The following E2F8 variants were observed in gnomAD, a reference collection of about 807,000 sequenced individuals.
The protein encoded by E2F8 is transcription factor E2F8.
Under a neutral mutation model 80.8 loss-of-function variants are expected in E2F8, and 35 were observed. The observed-to-expected ratio is 0.43, with a 90% CI of 0.33 to 0.57. The LOEUF is 0.57. E2F8 is among the 20% of genes least tolerant of loss of function. The pLI, the probability that E2F8 is intolerant of heterozygous loss-of-function variation, is 0.04. For synonymous variants in E2F8, 386 were observed against 395.0 expected, an observed-to-expected ratio of 0.98 and a Z score of 0.27; for missense variants, 975 against 1,056.2, an observed-to-expected ratio of 0.92 and a Z score of 1.07.
Position 19,229,982 on chromosome 11 carries a change from G to C in E2F8, c.1365C>G (p.Ser455=). ...CCAGCTGTACTTTCACTTTCTGTCT[G>C]GATTCACTGAAAGACAAGATTTAAT... is the stretch of plus-strand genomic sequence containing the variant. ...KMQLEEQSSE[S]RQKVKVQLAR... Residue 455 remains serine, a synonymous_variant, in exon 10 of 13, where the codon TCC becomes TCG. Transcript: ENST00000250024. The surrounding 1 kb of genome is among the most constrained non-coding windows in gnomAD (Gnocchi z 4.3). 6.2e-7 allele frequency: 1 copy of C among 1,613,268 alleles called. No individual in the cohort carries two copies. Among genetic ancestry groups the C allele is most frequent in the East Asian group, 2.2e-5 (1 of 44,878 alleles).
intron 4 of E2F8, 41 bp downstream of exon 4, chr11:19,237,273 T>A (rs773731038): frequency 6.2e-7 from 1 of 1,606,750 alleles, no homozygotes; most frequent in East Asian, 2.2e-5. Context: ...ATAAAGCCAC[T>A]TTAATTATTA....
chr11:19,230,373 C>A, intron 8 of E2F8, 45 bp from the exon 9 acceptor site: 2 of 1,573,082 alleles, frequency 1.3e-6, no homozygotes, highest in Non-Finnish European at 1.7e-6. Flanking sequence ...AGCTAAAGAA[C>A]AAATGTTCAC....
rs757747922 is a variant in E2F8, at chr11:19,234,900, C to T, written c.610G>A (p.Glu204Lys). 2.2e-5 allele frequency: 36 copies of T among 1,614,032 alleles called. No individual in the cohort carries two copies. Among genetic ancestry groups the T allele is most frequent in the Admixed American group, 6.7e-5 (4 of 60,004 alleles). Reference protein sequence around the residue: ...KSIGEENKYAEQIMMIKKKEY... With the variant: ...KSIGEENKYAKQIMMIKKKEY... ...TTCTTTTTGATCATCATAATCTGCT[C>T]GGCGTACTTATTCTCCTCCCCGATG... The change falls in exon 5 of 13, where the codon GAG (glutamate) becomes AAG (lysine). Residue 204 changes from glutamate (E) to lysine (K), a missense_variant. Physicochemically the swap from Glu to Lys is moderately conservative, Grantham distance 56 (BLOSUM62 1). Transcript: ENST00000250024.
chr11:19,224,969 A>T, intron 12 of E2F8, 129 bp from the exon 13 acceptor site: 1 of 1,253,992 alleles, frequency 8.0e-7, no homozygotes, highest in Non-Finnish European at 1.1e-6. Context: ...GAAATTGGCG[A>T]GGGAAGCTTT....
intron 4 of E2F8, among the ~76,000 whole-genome samples, chr11:19,236,775 GC>G (rs1264974642): frequency 1.3e-5 from 2 of 152,130 alleles, no homozygotes; most frequent in African/African-American, 2.4e-5. Context: ...TTCACCACGG[GC>G]CCCTTTTTAG....
At chr11:19,233,641 C>A (rs1851436002) in intron 6 of E2F8, among the ~76,000 whole-genome samples, 1 of 151,954 alleles carries the variant, frequency 6.6e-6, no homozygotes, top group South Asian at 2.1e-4. Context: ...GTGCACGCCA[C>A]CACGCCCGGC....
At chr11:19,231,834 T>C (rs993444761) in intron 7 of E2F8, among the ~76,000 whole-genome samples, 3 of 152,198 alleles carry the variant, frequency 2.0e-5, no homozygotes, top group African/African-American at 7.2e-5. Flanking sequence ...ACTTTCTATA[T>C]TGCCATTCAT....
At chr11:19,241,201 G>A (rs943420444), upstream of E2F8, among the ~76,000 whole-genome samples, 1 of 152,192 alleles carries the variant, frequency 6.6e-6, no homozygotes, top group Non-Finnish European at 1.5e-5. The surrounding 1 kb of genome is among the most constrained non-coding windows in gnomAD (Gnocchi z 4.5). Flanking sequence ...GCCTGAGCGC[G>A]GGCAAACCCG....
chr11:19,234,966 C>A lies in E2F8; in HGVS notation c.544G>T (p.Gly182Trp). 1 of 1,614,166 alleles carries A rather than the reference C, an allele frequency of 6.2e-7. No individual in the cohort carries two copies. The highest frequency in any genetic ancestry group is 8.5e-7 in the Non-Finnish European group (1 of 1,180,030). Residue 182 changes from glycine to tryptophan, a missense_variant, in exon 5 of 13, where the codon GGG becomes TGG. Gly to Trp is a radical substitution (Grantham distance 184). Transcript: ENST00000250024. ...RLAKNRYTWH[G>W]RHNLNKTLGT... ...AGGGTTTTGTTGAGATTGTGTCGCC[C>A]GTGCCAAGTGTACCTGTTTTTGGCG...
chr11:19,233,162 AGATCTCCC>A (rs1382234612), intron 6 of E2F8, among the ~76,000 whole-genome samples: 3 of 152,180 alleles, frequency 2.0e-5, no homozygotes, highest in Admixed American at 6.5e-5. Flanking sequence ...CTGAAATTGC[AGATCTCCC>A]GATCTCCCGA....
chr11:19,234,990 C>T lies in E2F8; in HGVS notation c.520G>A (p.Ala174Thr). Residue 174 changes from alanine to threonine, a missense_variant, in exon 5 of 13, where the codon GCC becomes ACC. Ala to Thr is a moderately conservative substitution (Grantham distance 58). Transcript: ENST00000250024. ...LESLHMVSRLAKNRYTWHGRH... is the reference protein window; with the variant it reads ...LESLHMVSRLTKNRYTWHGRH... ...CCGTGCCAAGTGTACCTGTTTTTGG[C>T]GAGGCGGCTCACCATATGTAAACTC... 7 of 1,614,156 alleles carry T rather than the reference C, an allele frequency of 4.3e-6. No homozygotes were observed. The highest frequency in any genetic ancestry group is 1.3e-5 in the African/African-American group (1 of 75,024).
In E2F8 at chr11:19,237,397, T is replaced by C; in HGVS notation, c.368A>G (p.His123Arg). 2 of 1,614,212 alleles carry C rather than the reference T, an allele frequency of 1.2e-6. No individual in the cohort carries two copies. Among genetic ancestry groups the C allele is most frequent in the Non-Finnish European group, 1.7e-6 (2 of 1,180,006 alleles). Reference sequence around the variant, plus strand: ...ATTAGGATATCGTGCTAAGAACTTATGACACAATAATCCTAAACTTTTCTC... The same window carrying C: ...ATTAGGATATCGTGCTAAGAACTTACGACACAATAATCCTAAACTTTTCTC... Reference protein sequence around the residue: ...RKEKSLGLLCHKFLARYPNYP... With the variant: ...RKEKSLGLLCRKFLARYPNYP... The change falls in exon 4 of 13, where the codon CAT becomes CGT. Residue 123 changes from histidine to arginine, a missense_variant. His to Arg is a conservative substitution (Grantham distance 29). Transcript: ENST00000250024.
At chr11:19,228,281 T>TA (rs1454783191) in intron 10 of E2F8, among the ~76,000 whole-genome samples, 3 of 152,330 alleles carry the variant, frequency 2.0e-5, no homozygotes, top group Non-Finnish European at 4.4e-5. Context: ...ACTTGGCATA[T>TA]ACATTAAATA....
At chr11:19,238,439 A>C (rs1257735125) in intron 2 of E2F8, among the ~76,000 whole-genome samples, 1 of 152,252 alleles carries the variant, frequency 6.6e-6, no homozygotes, top group Non-Finnish European at 1.5e-5. Flanking sequence ...ATAGTTTTAG[A>C]TTTAGAGAAG....
In E2F8 at chr11:19,230,348, G is replaced by A; in HGVS notation, c.1271-20C>T. 2.5e-6 allele frequency: 4 copies of A among 1,606,258 alleles called. No individual in the cohort carries two copies. Among genetic ancestry groups the A allele is most frequent in the Non-Finnish European group, 3.4e-6 (4 of 1,175,850 alleles). On this transcript the variant is annotated intron_variant, in intron 8 of 12. Transcript: ENST00000250024. ...TCTCAGCTGGTAAAATAGAAAGGAA[G>A]AGAGCACCGGTCAAAGCTAAAGAAC...
At chr11:19,225,906 A>T in intron 10 of E2F8, 42 bp from the exon 11 acceptor site, 1 of 1,589,484 alleles carries the variant, frequency 6.3e-7, no homozygotes, top group East Asian at 2.2e-5. Flanking sequence ...ACACAAATAC[A>T]GGAAGAAAAA....
At chr11:19,237,812 C>T (rs764218905) in intron 3 of E2F8, 42 bp downstream of exon 3, 2 of 1,573,958 alleles carry the variant, frequency 1.3e-6, no homozygotes, top group South Asian at 2.4e-5. Flanking sequence ...CCCCTCCCCC[C>T]AACAAATTCC....
Position 19,229,424 on chromosome 11 carries a change from AAGCTTTGTGC to A in E2F8, c.1893+20_1893+29del, listed in dbSNP as rs1851312137. ...CCTGTAATAGACTAGGGAATTCCTAAAGCTTTGTGCAGTTCAAGGCTGTACTTACTGCGGA... is the reference window on the plus strand; with the variant it reads ...CCTGTAATAGACTAGGGAATTCCTAAAGTTCAAGGCTGTACTTACTGCGGA... On this transcript the variant is annotated intron_variant, in intron 10 of 12. Transcript: ENST00000250024. The surrounding 1 kb of genome is among the most constrained non-coding windows in gnomAD (Gnocchi z 4.3). The A allele has an allele frequency of 1.3e-6, 2 of 1,569,528 alleles. No individual in the cohort carries two copies. Among genetic ancestry groups the A allele is most frequent in the Admixed American group, 3.8e-5 (2 of 52,376 alleles).
chr11:19,235,131 T>G, intron 4 of E2F8, 73 bp from the exon 5 acceptor site: 2 of 1,361,264 alleles, frequency 1.5e-6, no homozygotes, highest in Non-Finnish European at 2.0e-6. Context: ...TTTCTTCCAT[T>G]GGTTTATTAG....
Sources: allele counts gnomAD v4.1 joint callset (sites outside exome capture counted in the v4.1 genomes callset), GRCh38; gene constraint gnomAD v4.1.1; non-coding constraint Gnocchi (gnomAD v3.1); transcripts MANE v1.5; gene names NCBI Gene and HGNC (gene_info 2026-07-23, HGNC 2026-07-21).